PLD5: variants seen among roughly 807,000 people sequenced by gnomAD.
PLD5 encodes phospholipase D family member 5, also known as inactive phospholipase D5.
A neutral mutation model predicts 61.1 loss-of-function variants in PLD5; 36 were observed. That is an observed-to-expected ratio of 0.59 (90% CI 0.45 to 0.78). The LOEUF is 0.78. Among genes scored for constraint, PLD5 ranks in the 30% least tolerant of loss-of-function variants. PLD5 has a pLI of 0.00. For missense variants in PLD5, 515 were observed against 644.4 expected (o/e 0.80, Z 2.17); for synonymous variants, 243 against 242.8 (o/e 1.00, Z -0.01).
rs528489663 is a variant in PLD5 at position 242,085,241 on chromosome 1, T to G, written c.*4613A>C. On this transcript the variant is annotated 3_prime_UTR_variant, in exon 10 of 10. Coordinates refer to ENST00000536534, the MANE Select transcript of PLD5 (RefSeq NM_001372062.1). ...TAATAGTCTATTAAATGTAACTTTT[T>G]TTTTTCAAATTGCCAAAAGAAGCGT... 15 of 152,316 alleles carry G rather than the reference T, an allele frequency of 9.8e-5. No individual in the cohort carries two copies. Among genetic ancestry groups the G allele is most frequent in the African/African-American group, 3.6e-4 (15 of 41,586 alleles). 9.4% of individuals were successfully genotyped at this position (152,316 alleles called of 1,614,324 possible).
At chr1:242,320,198 T>C (rs1658297122) in intron 2 of PLD5, among the ~76,000 whole-genome samples, 1 of 152,252 alleles carries the variant, frequency 6.6e-6, no homozygotes, top group African/African-American at 2.4e-5. Flanking sequence ...TTAACATCCA[T>C]TTATTGACGG....
At chr1:242,506,096 G>A (rs745695170) in intron 1 of PLD5, among the ~76,000 whole-genome samples, 9 of 152,142 alleles carry the variant, frequency 5.9e-5, no homozygotes, top group Non-Finnish European at 8.8e-5. Flanking sequence ...CAAACAACCA[G>A]TAAGTGACAG....
intron 1 of PLD5, among the ~76,000 whole-genome samples, chr1:242,422,023 C>A (rs1421536277): frequency 6.6e-6 from 1 of 152,176 alleles, no homozygotes; most frequent in African/African-American, 2.4e-5. Flanking sequence ...AATTATCAGA[C>A]ATATTCTAAT....
chr1:242,181,286 G>C (rs1196263592), intron 5 of PLD5, among the ~76,000 whole-genome samples: 1 of 152,180 alleles, frequency 6.6e-6, no homozygotes, highest in Non-Finnish European at 1.5e-5. Flanking sequence ...CGATGGGCCT[G>C]CTCTGTCTGA....
At chr1:242,465,029 A>G (rs1037073243) in intron 1 of PLD5, among the ~76,000 whole-genome samples, 1 of 152,234 alleles carries the variant, frequency 6.6e-6, no homozygotes, top group Admixed American at 6.5e-5. Flanking sequence ...CTTTCTGGGT[A>G]TGAGTTTCCT....
In PLD5 at chr1:242,086,983, A is replaced by T. The variant is rs1659505458; in HGVS notation, c.*2871T>A. ...CTGGAAAGTAATTCCTGGGATATTT[A>T]GGGGTGGGGGGGAATGGAGGTTGAT... is the stretch of plus-strand genomic sequence containing the variant. On this transcript the variant is annotated 3_prime_UTR_variant, in exon 10 of 10. Coordinates refer to ENST00000536534, the MANE Select transcript of PLD5 (RefSeq NM_001372062.1). 2.0e-5 allele frequency: 3 copies of T among 151,616 alleles called. No individual in the cohort carries two copies. Among genetic ancestry groups the T allele is most frequent in the Non-Finnish European group, 4.4e-5 (3 of 67,908 alleles). 9.4% of individuals were successfully genotyped at this position (151,616 alleles called of 1,614,324 possible).
Position 242,219,906 on chromosome 1 carries a change from C to G in PLD5, c.735+82G>C. ...AATAAATGCTGTAGGTTTTAGGATCCTTATCTGCAGTAGCGTGCTTTATGA... is the reference window on the plus strand; with the variant it reads ...AATAAATGCTGTAGGTTTTAGGATCGTTATCTGCAGTAGCGTGCTTTATGA... On this transcript the variant is annotated intron_variant, in intron 5 of 9. Coordinates refer to ENST00000536534, the MANE Select transcript of PLD5 (RefSeq NM_001372062.1). 5 of 1,508,538 alleles carry G rather than the reference C, an allele frequency of 3.3e-6. No homozygotes were observed. In the East Asian group the frequency reaches 1.1e-4, roughly 34 times the overall value. 93.4% of individuals were successfully genotyped at this position (1,508,538 alleles called of 1,614,324 possible). A position where few individuals can be genotyped will look rare whatever the true frequency, so the allele number is the denominator to read the frequency against.
chr1:242,434,248 T>C (rs1665875058), intron 1 of PLD5, among the ~76,000 whole-genome samples: 2 of 152,174 alleles, frequency 1.3e-5, no homozygotes, highest in Non-Finnish European at 2.9e-5. Flanking sequence ...ACCTCATGAA[T>C]GTTGGGCTGC....
Position 242,124,552 on chromosome 1 carries a change from C to G in PLD5, c.849G>C (p.Trp283Cys). ...LKFKSRVPQT[W>C]SKRLYGVYDN... ...CATAGACTCCATAGAGTCTTTTGGA[C>G]CAGGTTTGAGGCACTCTGCTTTTGA... The change falls in exon 6 of 10, where the codon TGG (tryptophan) becomes TGC (cysteine). Residue 283 changes from tryptophan to cysteine, a missense_variant. Transcript: ENST00000536534. 6.2e-7 allele frequency: 1 copy of G among 1,613,986 alleles called. No homozygotes were observed. The highest frequency in any genetic ancestry group is 8.5e-7 in the Non-Finnish European group (1 of 1,179,926).
At chr1:242,431,245 GA>G (rs1422794429) in intron 1 of PLD5, among the ~76,000 whole-genome samples, 1 of 152,086 alleles carries the variant, frequency 6.6e-6, no homozygotes, top group Non-Finnish European at 1.5e-5. Flanking sequence ...TTTCTTCAAA[GA>G]AACAGTTTTG....
At chr1:242,390,144 T>C (rs1306675716) in intron 1 of PLD5, among the ~76,000 whole-genome samples, 2 of 151,644 alleles carry the variant, frequency 1.3e-5, no homozygotes, top group African/African-American at 4.8e-5. Context: ...CTGCAGTCTC[T>C]GCCTCTTGGG....
chr1:242,164,574 TTATC>T (rs1666163009), intron 5 of PLD5, among the ~76,000 whole-genome samples: 1 of 152,136 alleles, frequency 6.6e-6, no homozygotes, highest in African/African-American at 2.4e-5. Flanking sequence ...ATAATGTTAT[TTATC>T]TGTTTTAACA....
At chr1:242,122,755 T>C (rs1303984392) in intron 6 of PLD5, among the ~76,000 whole-genome samples, 7 of 152,246 alleles carry the variant, frequency 4.6e-5, no homozygotes, top group African/African-American at 1.4e-4. Context: ...GCTCTTCACA[T>C]TTATGTGAAT....
rs563991353 is a variant in PLD5, at chr1:242,479,870, C to T, written c.189+44218G>A. ...TAACCTGGCCCACATGGTGAAACCC[C>T]GTCTCTACTAAAAATACAAAAAAAA... is the stretch of plus-strand genomic sequence containing the variant. On this transcript the variant is annotated intron_variant, in intron 1 of 9. Transcript: ENST00000536534. 8.0e-5 allele frequency among the ~76,000 whole-genome samples: 12 copies of T among 150,088 alleles called. No homozygotes were observed. The South Asian group carries it at 1.7e-3, about 21-fold the overall frequency.
intron 5 of PLD5, among the ~76,000 whole-genome samples, chr1:242,132,206 G>GGGGGGGC (rs1553305634): frequency 1.1e-5 from 1 of 87,078 alleles, no homozygotes; most frequent in East Asian, 3.5e-4. Flanking sequence ...GGGGGGGGGG[G>GGGGGGGC]GCGGAATCAT....
At chr1:242,343,726 C>A (rs1389853615) in intron 2 of PLD5, among the ~76,000 whole-genome samples, 1 of 148,956 alleles carries the variant, frequency 6.7e-6, no homozygotes, top group Non-Finnish European at 1.5e-5. Context: ...TGGGTAAAAC[C>A]AGGAGTCAAC....
At chr1:242,348,878 C>A (rs1355246760) in intron 1 of PLD5, among the ~76,000 whole-genome samples, 2 of 152,116 alleles carry the variant, frequency 1.3e-5, no homozygotes, top group African/African-American at 4.8e-5. Context: ...CACGGTGAAA[C>A]CCTGTCTCTA....
chr1:242,492,588 A>G (rs1427265895), intron 1 of PLD5, among the ~76,000 whole-genome samples: 1 of 152,142 alleles, frequency 6.6e-6, no homozygotes, highest in East Asian at 1.9e-4. Context: ...ATTGCAAACT[A>G]TAACAATGCC....
chr1:242,174,661 A>T (rs955375518), intron 5 of PLD5, among the ~76,000 whole-genome samples: 2 of 152,254 alleles, frequency 1.3e-5, no homozygotes, highest in Non-Finnish European at 2.9e-5. Flanking sequence ...AATGTCCATC[A>T]ATGATAGATT....
Sources: allele counts gnomAD v4.1 joint callset (sites outside exome capture counted in the v4.1 genomes callset), GRCh38; gene constraint gnomAD v4.1.1; transcripts MANE v1.5; gene names NCBI Gene and HGNC (gene_info 2026-07-23, HGNC 2026-07-21).